Variants in ALMS1 observed in about 807,000 individuals in gnomAD.
The protein encoded by ALMS1 is centrosome-associated protein ALMS1.
Under a neutral mutation model 352.2 loss-of-function variants are expected in ALMS1, and 271 were observed. The ratio of observed to expected loss-of-function variants is 0.77; its 90% CI spans 0.70 to 0.85. The LOEUF is 0.85. ALMS1 is among the 40% of genes least tolerant of loss of function. ALMS1 has a pLI of 0.00. For missense variants in ALMS1, 5,445 were observed against 4,870.7 expected, an observed-to-expected ratio of 1.12 and a Z score of -3.51; for synonymous variants, 1,865 against 1,761.2, an observed-to-expected ratio of 1.06 and a Z score of -1.48.
intron 1 of ALMS1, among the ~76,000 whole-genome samples, chr2:73,390,978 C>T (rs1490624458): frequency 6.6e-6 from 1 of 151,948 alleles, no homozygotes; most frequent in African/African-American, 2.4e-5. Context: ...ACCATGTTGG[C>T]CAGGATGGTC....
At chr2:73,592,390 T>C (rs961505453) in intron 16 of ALMS1, among the ~76,000 whole-genome samples, 2 of 152,226 alleles carry the variant, frequency 1.3e-5, no homozygotes, top group Non-Finnish European at 2.9e-5. Context: ...CACCCCTTGG[T>C]GATGAGTAAA....
chr2:73,407,489 G>A (rs114950571), intron 1 of ALMS1, among the ~76,000 whole-genome samples: 74 of 139,982 alleles, frequency 5.3e-4, no homozygotes, highest in African/African-American at 2.1e-3. Context: ...GAATTAAGGT[G>A]GAGTTACTCA....
chr2:73,538,306 C>G (rs918432105), intron 12 of ALMS1, among the ~76,000 whole-genome samples: 1 of 152,120 alleles, frequency 6.6e-6, no homozygotes, highest in Non-Finnish European at 1.5e-5. Context: ...TGAAAATCTT[C>G]TCTATATCAT....
chr2:73,560,663 G>C (rs1335455533), intron 15 of ALMS1, among the ~76,000 whole-genome samples: 1 of 152,116 alleles, frequency 6.6e-6, no homozygotes, highest in Non-Finnish European at 1.5e-5. Context: ...ATCAACAGAT[G>C]AATGTATTAA....
At chr2:73,593,198 A>G (rs1675468815) in intron 16 of ALMS1, among the ~76,000 whole-genome samples, 1 of 152,076 alleles carries the variant, frequency 6.6e-6, no homozygotes, top group African/African-American at 2.4e-5. Flanking sequence ...CAGGAAAAAA[A>G]AAAAAAAAAA....
intron 1 of ALMS1, among the ~76,000 whole-genome samples, chr2:73,394,328 G>A (rs1344664230): frequency 6.6e-6 from 1 of 152,078 alleles, no homozygotes; most frequent in African/African-American, 2.4e-5. Flanking sequence ...CAATTTGGGA[G>A]TATGGTCATC....
chr2:73,529,657 C>T (rs748917451), intron 11 of ALMS1, among the ~76,000 whole-genome samples: 13 of 152,204 alleles, frequency 8.5e-5, no homozygotes, highest in Non-Finnish European at 1.9e-4. Context: ...CCTAGTAACA[C>T]TGTGGCTCTT....
chr2:73,510,389 G>C (rs2103941854), intron 10 of ALMS1, among the ~76,000 whole-genome samples: 1 of 152,286 alleles, frequency 6.6e-6, no homozygotes, highest in East Asian at 1.9e-4. Flanking sequence ...ACTTCAGATG[G>C]AGTTTTTGCG....
chr2:73,563,888 A>T (rs555695910), intron 15 of ALMS1, among the ~76,000 whole-genome samples: 1 of 152,216 alleles, frequency 6.6e-6, no homozygotes, highest in East Asian at 1.9e-4. Flanking sequence ...GAAATCTTCA[A>T]AGAGAAATGG....
intron 16 of ALMS1, among the ~76,000 whole-genome samples, chr2:73,578,070 G>C (rs1675090371): frequency 6.6e-6 from 1 of 152,096 alleles, no homozygotes; most frequent in African/African-American, 2.4e-5. Flanking sequence ...GTTGTCAGTT[G>C]TGTGTATGTT....
intron 15 of ALMS1, among the ~76,000 whole-genome samples, chr2:73,566,188 A>T (rs1014903460): frequency 6.6e-6 from 1 of 152,248 alleles, no homozygotes; most frequent in Non-Finnish European, 1.5e-5. Context: ...GCATTCTGAC[A>T]TTAAAACAGG....
At chr2:73,485,124 G>T (rs981643778) in intron 9 of ALMS1, among the ~76,000 whole-genome samples, 2 of 152,234 alleles carry the variant, frequency 1.3e-5, no homozygotes, top group Non-Finnish European at 2.9e-5. Flanking sequence ...GTGAGGAACT[G>T]TGTTCCTTTG....
intron 22 of ALMS1, among the ~76,000 whole-genome samples, chr2:73,608,832 G>C (rs956875306): frequency 1.3e-5 from 2 of 152,224 alleles, no homozygotes; most frequent in Non-Finnish European, 2.9e-5. Context: ...TTCACACACA[G>C]GAGTTCATTG....
At chr2:73,483,952 T>G (rs1048682778) in intron 9 of ALMS1, among the ~76,000 whole-genome samples, 1 of 150,344 alleles carries the variant, frequency 6.7e-6, no homozygotes, top group Admixed American at 6.6e-5. Flanking sequence ...CCTTTTATTT[T>G]GAGCCTATGT....
chr2:73,471,352 T>C (rs962679289), intron 9 of ALMS1, among the ~76,000 whole-genome samples: 2 of 151,318 alleles, frequency 1.3e-5, no homozygotes, highest in East Asian at 1.9e-4. Flanking sequence ...CTGCATCTAA[T>C]TAAAAAGCTT....
At chr2:73,395,044 G>GTATATA (rs1231670326) in intron 1 of ALMS1, among the ~76,000 whole-genome samples, 1 of 95,230 alleles carries the variant, frequency 1.1e-5, no homozygotes, top group African/African-American at 5.1e-5. Context: ...ATATGTGTGT[G>GTATATA]TATATATATA....
In ALMS1 at chr2:73,449,170, T is replaced by G; in HGVS notation, c.2643T>G (p.Thr881=). The change falls in exon 8 of 23, where the codon ACT becomes ACG. Residue 881 remains threonine (T), a synonymous_variant. Transcript: ENST00000613296. ...YQQTLPNSHL[T]EEALKVSIVP... is the part of the protein sequence containing the mutation. ...AGACCTTACCCAATAGTCATCTAACTGAAGAGGCTCTGAAAGTATCAATTG... is the reference window on the plus strand; with the variant it reads ...AGACCTTACCCAATAGTCATCTAACGGAAGAGGCTCTGAAAGTATCAATTG... 6.2e-7 allele frequency: 1 copy of G among 1,614,106 alleles called. No individual in the cohort carries two copies.
At chr2:73,576,178 CTCTT>C (rs1430173234) in intron 16 of ALMS1, among the ~76,000 whole-genome samples, 1 of 152,168 alleles carries the variant, frequency 6.6e-6, no homozygotes, top group East Asian at 1.9e-4. Flanking sequence ...CTATATATCT[CTCTT>C]TATGCCACTA....
chr2:73,426,493 G>T lies in ALMS1; in HGVS notation c.1278G>T (p.Leu426=). 1 of 1,614,118 alleles carries T rather than the reference G, an allele frequency of 6.2e-7. No individual in the cohort carries two copies. The highest frequency in any genetic ancestry group is 8.5e-7 in the Non-Finnish European group (1 of 1,179,972). Residue 426 remains leucine, a synonymous_variant, in exon 6 of 23, where the codon CTG becomes CTT. Coordinates refer to ENST00000613296, the MANE Select transcript of ALMS1 (RefSeq NM_001378454.1). The stretch of plus-strand genomic sequence containing the variant: ...AGGTTGAGTCTGACGTCATTACTCT[G>T]GATGGCCTAAATGAAAATGCTGTTG... ...QGKVESDVIT[L]DGLNENAVVC...
Sources: gnomAD v4.1 joint callset for allele counts (sites outside exome capture counted in the v4.1 genomes callset) on GRCh38, gnomAD v4.1.1 for gene constraint, MANE v1.5 for transcripts, NCBI Gene and HGNC (gene_info 2026-07-23, HGNC 2026-07-21) for gene names.